The following EHHADH variants were observed in gnomAD, a reference collection of about 807,000 sequenced individuals.
EHHADH encodes enoyl-CoA hydratase and 3-hydroxyacyl CoA dehydrogenase, also known as peroxisomal bifunctional enzyme.
EHHADH carries 48 observed loss-of-function variants against 64.4 expected under a neutral mutation model. That is an observed-to-expected ratio of 0.75 (90% CI 0.59 to 0.95). The LOEUF is 0.95. Ranked by LOEUF, EHHADH falls within the 40% of genes least tolerant of loss-of-function variation. The pLI is 0.00. For missense variants in EHHADH, 854 were observed against 876.6 expected (o/e 0.97, Z 0.33); for synonymous variants, 308 against 326.7 (o/e 0.94, Z 0.62).
At chr3:185,237,811 T>C (rs2108648118) in intron 2 of EHHADH, among the ~76,000 whole-genome samples, 1 of 152,326 alleles carries the variant, frequency 6.6e-6, no homozygotes, top group Non-Finnish European at 1.5e-5. Context: ...TACACAGATA[T>C]ATTGCATAAT....
At chr3:185,222,980 A>C (rs1233194644) in intron 4 of EHHADH, among the ~76,000 whole-genome samples, 1 of 152,222 alleles carries the variant, frequency 6.6e-6, no homozygotes, top group Admixed American at 6.5e-5. Context: ...AAGACACATC[A>C]AAGAATTATC....
intron 3 of EHHADH, among the ~76,000 whole-genome samples, chr3:185,233,771 G>C (rs1005537295): frequency 1.3e-5 from 2 of 152,040 alleles, no homozygotes; most frequent in Non-Finnish European, 2.9e-5. Flanking sequence ...TCAGCCTCCC[G>C]AGTAGCTGGG....
intron 5 of EHHADH, among the ~76,000 whole-genome samples, chr3:185,208,018 G>A (rs761803233): frequency 2.6e-5 from 4 of 152,286 alleles, no homozygotes; most frequent in East Asian, 1.9e-4. Flanking sequence ...AATTAAAACC[G>A]CAACAAATGT....
Position 185,191,865 on chromosome 3 carries a change from G to T in EHHADH, c.*361C>A. The T allele has an allele frequency of 4.0e-6, 1 of 247,428 alleles. No homozygotes were observed. The highest frequency in any genetic ancestry group is 9.7e-5 in the East Asian group (1 of 10,258). 15.3% of individuals were successfully genotyped at this position (247,428 alleles called of 1,614,324 possible). On this transcript the variant is annotated 3_prime_UTR_variant, in exon 7 of 7. Coordinates refer to ENST00000231887, the MANE Select transcript of EHHADH (RefSeq NM_001966.4). ...CAATACTATGTGTGTGACATTGAAA[G>T]GAGTCAAAATGAATGTATGACTTAG...
intron 1 of EHHADH, among the ~76,000 whole-genome samples, chr3:185,252,607 CT>C (rs1355172087): frequency 1.3e-5 from 2 of 151,986 alleles, no homozygotes; most frequent in Admixed American, 6.6e-5. Context: ...AGATATTTTG[CT>C]TTTTATTCTG....
At chr3:185,233,989 G>A (rs1280595537) in intron 3 of EHHADH, among the ~76,000 whole-genome samples, 2 of 152,034 alleles carry the variant, frequency 1.3e-5, no homozygotes, top group Non-Finnish European at 2.9e-5. Flanking sequence ...AAAAGAATCT[G>A]TAAGAAAAAA....
Position 185,192,156 on chromosome 3 carries a change from A to T in EHHADH, c.*70T>A. On this transcript the variant is annotated 3_prime_UTR_variant, in exon 7 of 7. Coordinates refer to ENST00000231887, the MANE Select transcript of EHHADH (RefSeq NM_001966.4). ...AGAACAATCTTACTTTGGATTTTTG[A>T]TTTAATTTCACTGAAATTCAGTCAG... 1 of 1,483,492 alleles carries T rather than the reference A, an allele frequency of 6.7e-7. No homozygotes were observed. The highest frequency in any genetic ancestry group is 1.3e-5 in the South Asian group (1 of 74,834). 91.9% of individuals were successfully genotyped at this position (1,483,492 alleles called of 1,614,324 possible). A position where few individuals can be genotyped will look rare whatever the true frequency, so the allele number is the denominator to read the frequency against.
chr3:185,228,257 A>AATATATATATCTATATAT (rs1719049856), intron 4 of EHHADH, among the ~76,000 whole-genome samples: 1 of 21,994 alleles, frequency 4.5e-5, no homozygotes, highest in African/African-American at 1.2e-4. Flanking sequence ...AAAAAAAAAA[A>AATATATATATCTATATAT]ATATATATAT....
intron 5 of EHHADH, among the ~76,000 whole-genome samples, chr3:185,207,287 C>T (rs1361454191): frequency 8.1e-6 from 1 of 123,066 alleles, no homozygotes; most frequent in African/African-American, 2.9e-5. Flanking sequence ...GACCCCATTT[C>T]AAAAAAAAAA....
chr3:185,190,900 C>A lies in EHHADH; in HGVS notation c.*1326G>T, dbSNP rs1270864206. The A allele has an allele frequency of 6.6e-6, 1 of 152,092 alleles. No individual in the cohort carries two copies. The highest frequency in any genetic ancestry group is 1.5e-5 in the Non-Finnish European group (1 of 68,024). The allele number at this position is 152,092 out of a possible 1,614,324, so 9.4% of individuals were successfully genotyped here. A position where few individuals can be genotyped will look rare whatever the true frequency, so the allele number is the denominator to read the frequency against. On this transcript the variant is annotated 3_prime_UTR_variant, in exon 7 of 7. Coordinates refer to ENST00000231887, the MANE Select transcript of EHHADH (RefSeq NM_001966.4). ...CACAATGAAGGATAACATCTTCAGC[C>A]CCATTTATTTACTAACAACTTTATT...
intron 5 of EHHADH, among the ~76,000 whole-genome samples, 198 bp from the exon 6 acceptor site, chr3:185,204,955 A>G (rs1233360877): frequency 6.6e-6 from 1 of 152,200 alleles, no homozygotes; most frequent in African/African-American, 2.4e-5. Context: ...GATAGAATTT[A>G]GTAGACTCAA....
chr3:185,244,071 C>T (rs1453893340), intron 2 of EHHADH, among the ~76,000 whole-genome samples: 1 of 152,188 alleles, frequency 6.6e-6, no homozygotes, highest in African/African-American at 2.4e-5. Flanking sequence ...GCTATATCTT[C>T]TCCTTGTATT....
intron 6 of EHHADH, among the ~76,000 whole-genome samples, chr3:185,199,939 C>T (rs372125699): frequency 5.3e-5 from 8 of 152,168 alleles, no homozygotes; most frequent in East Asian, 1.9e-4. Flanking sequence ...CAACGGTAGA[C>T]GTGGGTAGTT....
chr3:185,249,697 C>T (rs143641319), intron 1 of EHHADH, among the ~76,000 whole-genome samples: 2 of 152,334 alleles, frequency 1.3e-5, no homozygotes, highest in East Asian at 3.9e-4. Context: ...CCATGTGGAA[C>T]TGTGATCAAT....
At chr3:185,212,741 T>C (rs1718576768) in intron 5 of EHHADH, among the ~76,000 whole-genome samples, 1 of 152,136 alleles carries the variant, frequency 6.6e-6, no homozygotes, top group South Asian at 2.1e-4. Flanking sequence ...TAGTTCAGTG[T>C]TTTTCAGAAT....
chr3:185,241,021 T>C (rs1330991004), intron 2 of EHHADH, among the ~76,000 whole-genome samples: 2 of 144,678 alleles, frequency 1.4e-5, no homozygotes, highest in African/African-American at 5.0e-5. Context: ...TGCATCCTCA[T>C]AGCTTAGCTC....
rs1459790712 is a variant in EHHADH at position 185,204,757 on chromosome 3, T to C, written c.569A>G (p.Asp190Gly). 1.9e-6 allele frequency: 3 copies of C among 1,599,804 alleles called. No individual in the cohort carries two copies. The highest frequency in any genetic ancestry group is 2.6e-6 in the Non-Finnish European group (3 of 1,170,158). The change falls in exon 6 of 7, where the codon GAT becomes GGT. Residue 190 changes from aspartate to glycine, a missense_variant and splice_region_variant. Physicochemically the swap from Asp to Gly is moderately conservative, Grantham distance 94. Transcript: ENST00000231887. Reference sequence around the variant, plus strand: ...GAGTCTACGGGATTCTAGAGGTTGATCTGAAAGGAATAAGAAGGATCAGAG... The same window carrying C: ...GAGTCTACGGGATTCTAGAGGTTGACCTGAAAGGAATAAGAAGGATCAGAG... Reference protein sequence around the residue: ...EAIRFAQRVSDQPLESRRLCN... With the variant: ...EAIRFAQRVSGQPLESRRLCN...
At chr3:185,196,875 G>A (rs763053374) in intron 6 of EHHADH, among the ~76,000 whole-genome samples, 118 of 152,032 alleles carry the variant, frequency 7.8e-4, no homozygotes, top group Non-Finnish European at 8.8e-4. Flanking sequence ...GGTGGCATGT[G>A]CCTATGGTCC....
chr3:185,223,966 C>T (rs181610717), intron 4 of EHHADH, among the ~76,000 whole-genome samples: 109 of 152,272 alleles, frequency 7.2e-4, no homozygotes, highest in Non-Finnish European at 1.3e-3. Flanking sequence ...CATTTTCAGA[C>T]GGCATTCTAA....
Sources: gnomAD v4.1 joint callset for allele counts (sites outside exome capture counted in the v4.1 genomes callset) on GRCh38, gnomAD v4.1.1 for gene constraint, MANE v1.5 for transcripts, NCBI Gene and HGNC (gene_info 2026-07-23, HGNC 2026-07-21) for gene names.